SYT1: variants seen among roughly 807,000 people sequenced by gnomAD.
SYT1 encodes the protein synaptotagmin-1.
A neutral mutation model predicts 44.8 loss-of-function variants in SYT1; 8 were observed. The observed-to-expected ratio is 0.18, with a 90% CI of 0.10 to 0.32. The LOEUF is 0.32. Ranked by LOEUF, SYT1 falls within the 10% of genes least tolerant of loss-of-function variation. The pLI, the probability that SYT1 is intolerant of heterozygous loss-of-function variation, is 1.00. For missense variants in SYT1, 286 were observed against 509.3 expected, an observed-to-expected ratio of 0.56 and a Z score of 4.22; for synonymous variants, 154 against 188.8, an observed-to-expected ratio of 0.82 and a Z score of 1.51.
chr12:78,952,415 T>C (rs1254191514), intron 1 of SYT1, among the ~76,000 whole-genome samples: 1 of 152,114 alleles, frequency 6.6e-6, no homozygotes, highest in Non-Finnish European at 1.5e-5. Context: ...CTATTATTTA[T>C]AGAATATTTA....
At chr12:79,017,499 TCAAAGTATTTTATTTAC>T (rs1871883618) in intron 2 of SYT1, among the ~76,000 whole-genome samples, 1 of 152,128 alleles carries the variant, frequency 6.6e-6, no homozygotes, top group African/African-American at 2.4e-5. Flanking sequence ...CAATGATTTT[TCAAAGTATTTTATTTAC>T]CAACAAACTG....
intron 4 of SYT1, among the ~76,000 whole-genome samples, chr12:79,272,961 C>T (rs1878510375): frequency 6.6e-6 from 1 of 152,044 alleles, no homozygotes; most frequent in South Asian, 2.1e-4. Context: ...ATCCTGAGTA[C>T]AATGTTAGAG....
intron 3 of SYT1, among the ~76,000 whole-genome samples, chr12:79,216,397 A>C (rs12304174): frequency 3.3e-4 from 50 of 152,316 alleles, no homozygotes; most frequent in African/African-American, 1.2e-3. Flanking sequence ...TTCTTTCCTC[A>C]GAAAGCCTGA....
chr12:78,870,797 T>C (rs1159099814), intron 1 of SYT1, among the ~76,000 whole-genome samples: 3 of 152,006 alleles, frequency 2.0e-5, no homozygotes, highest in Non-Finnish European at 4.4e-5. Context: ...CTACTGTGGG[T>C]AGGAAACAGG....
chr12:79,251,982 T>A lies in SYT1; in HGVS notation c.167-33805T>A, dbSNP rs200506302. ...TGTTTTTCTTAACAAGATAGATGATTGATAGATAGATAGATAGATAGATAG... is the reference window on the plus strand; with the variant it reads ...TGTTTTTCTTAACAAGATAGATGATAGATAGATAGATAGATAGATAGATAG... On this transcript the variant is annotated intron_variant, in intron 4 of 10. Transcript: ENST00000261205. 7.0e-3 allele frequency among the ~76,000 whole-genome samples: 1,055 copies of A among 149,934 alleles called. 34 individuals carry two copies. In the East Asian group the frequency reaches 0.11, roughly 15 times the overall value.
chr12:79,090,498 G>T (rs1375912650), intron 3 of SYT1, among the ~76,000 whole-genome samples: 1 of 151,708 alleles, frequency 6.6e-6, no homozygotes, highest in Non-Finnish European at 1.5e-5. Context: ...TGAAGAATTC[G>T]CCCCATCAGA....
intron 3 of SYT1, among the ~76,000 whole-genome samples, chr12:79,101,733 C>T (rs1406342186): frequency 6.6e-6 from 1 of 151,846 alleles, no homozygotes; most frequent in Admixed American, 6.6e-5. Flanking sequence ...ATGGCAAAAC[C>T]CCATCTCTAC....
At chr12:78,964,228 G>T (rs1039388007) in intron 1 of SYT1, 1 of 152,074 alleles carries the variant, frequency 6.6e-6, no homozygotes, top group South Asian at 2.1e-4. Flanking sequence ...TTTCTCAGAG[G>T]CTCTGGAATA....
intron 3 of SYT1, among the ~76,000 whole-genome samples, chr12:79,114,291 C>T (rs1043910468): frequency 6.6e-6 from 1 of 152,100 alleles, no homozygotes; most frequent in Non-Finnish European, 1.5e-5. Context: ...AGTACAGAGC[C>T]TAAGGGAAAA....
At chr12:79,299,905 C>G (rs567263469) in intron 8 of SYT1, among the ~76,000 whole-genome samples, 1 of 152,238 alleles carries the variant, frequency 6.6e-6, no homozygotes, top group South Asian at 2.1e-4. Flanking sequence ...TCTCATTTTT[C>G]CACAATCATT....
intron 4 of SYT1, among the ~76,000 whole-genome samples, chr12:79,246,035 T>C (rs1226034108): frequency 1.3e-5 from 2 of 152,146 alleles, no homozygotes; most frequent in Non-Finnish European, 2.9e-5. Flanking sequence ...TAAAGTACTT[T>C]TAATATCAAT....
chr12:79,387,539 A>G (rs960854331), intron 9 of SYT1, among the ~76,000 whole-genome samples: 1 of 152,212 alleles, frequency 6.6e-6, no homozygotes, highest in Admixed American at 6.5e-5. Flanking sequence ...GAGGTGTAGA[A>G]CATTGACCCA....
intron 4 of SYT1, among the ~76,000 whole-genome samples, chr12:79,228,250 A>T (rs1302840538): frequency 6.6e-6 from 1 of 151,884 alleles, no homozygotes; most frequent in African/African-American, 2.4e-5. Flanking sequence ...CTCCCTTCAC[A>T]TCTCTACCAT....
intron 9 of SYT1, among the ~76,000 whole-genome samples, chr12:79,442,241 G>A (rs557713480): frequency 9.8e-5 from 15 of 152,286 alleles, no homozygotes; most frequent in Admixed American, 3.3e-4. Flanking sequence ...ATTGCAAGGC[G>A]TTGGATGGGG....
intron 2 of SYT1, among the ~76,000 whole-genome samples, chr12:79,031,126 C>T (rs1469965851): frequency 2.0e-5 from 3 of 150,110 alleles, no homozygotes; most frequent in Non-Finnish European, 3.0e-5. Flanking sequence ...AAATTAGCTG[C>T]TCAATAAAAT....
At chr12:79,353,667 G>T in intron 9 of SYT1, 48 bp downstream of exon 9, 1 of 1,373,872 alleles carries the variant, frequency 7.3e-7, no homozygotes, top group Non-Finnish European at 1.0e-6. Context: ...GTTTCGTCGT[G>T]GATACCAAAT....
intron 3 of SYT1, among the ~76,000 whole-genome samples, chr12:79,139,200 A>C (rs1055918730): frequency 4.6e-5 from 7 of 152,164 alleles, no homozygotes; most frequent in South Asian, 2.1e-4. Flanking sequence ...TTTGAGGTTG[A>C]AAGGTTTAAA....
intron 3 of SYT1, among the ~76,000 whole-genome samples, chr12:79,193,248 G>A (rs1054181023): frequency 1.6e-4 from 25 of 152,066 alleles, no homozygotes; most frequent in Non-Finnish European, 3.1e-4. Flanking sequence ...AAATGAAATA[G>A]ATGTATAAAT....
chr12:79,337,985 G>A (rs927134337), intron 8 of SYT1, among the ~76,000 whole-genome samples: 2 of 152,192 alleles, frequency 1.3e-5, no homozygotes, highest in African/African-American at 2.4e-5. Flanking sequence ...CCAGAAAACC[G>A]AGGACATGTG....
Sources: gnomAD v4.1 joint callset for allele counts (sites outside exome capture counted in the v4.1 genomes callset) on GRCh38, gnomAD v4.1.1 for gene constraint, MANE v1.5 for transcripts, NCBI Gene and HGNC (gene_info 2026-07-23, HGNC 2026-07-21) for gene names.